The following ZBTB41 variants were observed in gnomAD, a reference collection of about 807,000 sequenced individuals.
ZBTB41 encodes zinc finger and BTB domain-containing protein 41.
A neutral mutation model predicts 87.6 loss-of-function variants in ZBTB41; 42 were observed. The observed-to-expected ratio is 0.48, with a 90% confidence interval of 0.37 to 0.62. The LOEUF (loss-of-function observed/expected upper bound fraction) is 0.62, where lower values mean the gene tolerates loss of function less well. Ranked by LOEUF, ZBTB41 falls within the 20% of genes least tolerant of loss-of-function variation. ZBTB41 has a pLI of 0.00. For missense variants in ZBTB41, 799 were observed against 1,078.9 expected (o/e 0.74, Z 3.63); for synonymous variants, 364 against 364.0 (o/e 1.00, Z 0.00).
chr1:197,179,554 C>T (rs1441191765), intron 6 of ZBTB41, among the ~76,000 whole-genome samples: 1 of 151,886 alleles, frequency 6.6e-6, no homozygotes, highest in Non-Finnish European at 1.5e-5. Flanking sequence ...GTAAAACAGC[C>T]TCAGCCAAGT....
chr1:197,173,436 G>T (rs1659523805), intron 9 of ZBTB41, among the ~76,000 whole-genome samples: 1 of 151,988 alleles, frequency 6.6e-6, no homozygotes, highest in African/African-American at 2.4e-5. Flanking sequence ...ACAGGGTCTT[G>T]TTCTGTCACC....
intron 10 of ZBTB41, among the ~76,000 whole-genome samples, chr1:197,161,843 T>C (rs986681597): frequency 9.2e-5 from 14 of 152,126 alleles, no homozygotes; most frequent in African/African-American, 2.6e-4. Flanking sequence ...GAGCATTCTA[T>C]AATTTTTTTA....
At chr1:197,182,064 C>G (rs564391267) in intron 5 of ZBTB41, among the ~76,000 whole-genome samples, 2 of 151,684 alleles carry the variant, frequency 1.3e-5, no homozygotes, top group African/African-American at 4.8e-5. Context: ...ATCTCTCCAC[C>G]TCCTCTGAAC....
chr1:197,195,002 C>T (rs138571652), intron 2 of ZBTB41, among the ~76,000 whole-genome samples: 2,196 of 152,068 alleles, frequency 0.014, 49 homozygotes, highest in African/African-American at 0.05. Flanking sequence ...TGTTTTGTTT[C>T]GTTTTGTTTT....
intron 2 of ZBTB41, among the ~76,000 whole-genome samples, chr1:197,196,126 G>A (rs1462859772): frequency 6.6e-6 from 1 of 152,116 alleles, no homozygotes; most frequent in Non-Finnish European, 1.5e-5. Context: ...TACTAGCCAA[G>A]AGTAAGATAC....
intron 10 of ZBTB41, among the ~76,000 whole-genome samples, chr1:197,168,240 G>T (rs968825270): frequency 6.6e-6 from 1 of 151,808 alleles, no homozygotes; most frequent in Non-Finnish European, 1.5e-5. Flanking sequence ...AATCATCTTT[G>T]AAAAAAATCT....
chr1:197,163,569 C>A (rs979767430), intron 10 of ZBTB41, among the ~76,000 whole-genome samples: 21 of 151,684 alleles, frequency 1.4e-4, no homozygotes, highest in Admixed American at 1.4e-3. Context: ...GGCCAAGAAT[C>A]TTCCTAAATA....
chr1:197,172,605 TA>T (rs1659507787), intron 9 of ZBTB41, among the ~76,000 whole-genome samples: 1 of 151,978 alleles, frequency 6.6e-6, no homozygotes, highest in Non-Finnish European at 1.5e-5. Context: ...AAGAGTGGCC[TA>T]AAGGGGAAAT....
intron 10 of ZBTB41, among the ~76,000 whole-genome samples, chr1:197,168,411 A>G (rs1176038318): frequency 6.6e-6 from 1 of 152,148 alleles, no homozygotes; most frequent in Non-Finnish European, 1.5e-5. Flanking sequence ...ATATAAAAAT[A>G]CAAAGGGACA....
At chr1:197,174,877 G>A in intron 9 of ZBTB41, 133 bp downstream of exon 9, 2 of 585,566 alleles carry the variant, frequency 3.4e-6, no homozygotes, top group Non-Finnish European at 5.8e-6. Flanking sequence ...TAGGTCTATA[G>A]AGATGCTACA....
At chr1:197,199,242 C>A (rs370656278) in intron 2 of ZBTB41, 112 bp downstream of exon 2, 4 of 1,103,842 alleles carry the variant, frequency 3.6e-6, no homozygotes. Flanking sequence ...ATTCTCCCTA[C>A]TTAAACAGTC....
chr1:197,182,152 C>T (rs965819944), intron 5 of ZBTB41, among the ~76,000 whole-genome samples: 5 of 151,868 alleles, frequency 3.3e-5, no homozygotes, highest in African/African-American at 1.2e-4. Flanking sequence ...AGTAAATACA[C>T]GTGCCAAAAT....
chr1:197,189,779 G>A (rs1298179596), intron 4 of ZBTB41, among the ~76,000 whole-genome samples: 1 of 152,074 alleles, frequency 6.6e-6, no homozygotes, highest in African/African-American at 2.4e-5. Flanking sequence ...ACTCACTCTT[G>A]GAACTTAGTT....
At chr1:197,184,794 C>CTATTTATT (rs71286567) in intron 5 of ZBTB41, among the ~76,000 whole-genome samples, 36,577 of 147,508 alleles carry the variant, frequency 0.25, 4,700 homozygotes, top group Middle Eastern at 0.32. Flanking sequence ...AAGTTTACAA[C>CTATTTATT]TATTTATTTA....
chr1:197,165,819 G>C (rs1195240151), intron 10 of ZBTB41, among the ~76,000 whole-genome samples: 1 of 152,150 alleles, frequency 6.6e-6, no homozygotes, highest in African/African-American at 2.4e-5. Flanking sequence ...TGGCCAAACA[G>C]GAACAGCTCC....
chr1:197,196,141 C>A (rs557703493), intron 2 of ZBTB41, among the ~76,000 whole-genome samples: 17 of 152,236 alleles, frequency 1.1e-4, no homozygotes, highest in Non-Finnish European at 2.4e-4. Flanking sequence ...AGATACGTAA[C>A]CTCCAGGCTC....
intron 10 of ZBTB41, among the ~76,000 whole-genome samples, chr1:197,162,857 A>C (rs1468679414): frequency 6.6e-5 from 10 of 152,194 alleles, no homozygotes; most frequent in Admixed American, 4.6e-4. Flanking sequence ...TGGGAAGATA[A>C]AAGTTGGAGT....
At chr1:197,161,702 A>T (rs763129702) in intron 10 of ZBTB41, among the ~76,000 whole-genome samples, 29 of 152,156 alleles carry the variant, frequency 1.9e-4, no homozygotes, top group Non-Finnish European at 3.1e-4. Flanking sequence ...TTTACAAGTG[A>T]ATGCCTATAA....
In ZBTB41 at chr1:197,185,020, G is replaced by T. The variant is rs555612289; in HGVS notation, c.1546+3272C>A. Among the ~76,000 whole-genome samples the T allele has an allele frequency of 6.6e-5, 10 of 152,152 alleles. No individual in the cohort carries two copies. The South Asian group carries it at 1.9e-3, about 28-fold the overall frequency. ...GTAGAGTCAAGGTTTCTCCATGTTG[G>T]TCAGGCTAGTCTCGAACTCCTGACC... is the stretch of plus-strand genomic sequence containing the variant. On this transcript the variant is annotated intron_variant, in intron 5 of 10. Coordinates refer to ENST00000367405, the MANE Select transcript of ZBTB41 (RefSeq NM_194314.3).
Sources: allele counts gnomAD v4.1 joint callset (sites outside exome capture counted in the v4.1 genomes callset), GRCh38; gene constraint gnomAD v4.1.1; transcripts MANE v1.5; gene names NCBI Gene and HGNC (gene_info 2026-07-23, HGNC 2026-07-21).